The following FAF2 variants were observed in gnomAD, a reference collection of about 807,000 sequenced individuals.
The protein encoded by FAF2 is Fas associated factor family member 2, also known as FAS-associated factor 2.
FAF2 carries 9 observed loss-of-function variants against 62.3 expected under a neutral mutation model. That is an observed-to-expected ratio of 0.14 (90% CI 0.09 to 0.25). The LOEUF (loss-of-function observed/expected upper bound fraction) is 0.25. Ranked by LOEUF, FAF2 falls within the 10% of genes least tolerant of loss-of-function variation. The pLI, the probability that FAF2 is intolerant of heterozygous loss-of-function variation, is 1.00. For synonymous variants in FAF2, 202 were observed against 198.0 expected, an observed-to-expected ratio of 1.02 and a Z score of -0.17; for missense variants, 368 against 556.2, an observed-to-expected ratio of 0.66 and a Z score of 3.40.
chr5:176,450,615 G>T (rs924142302), intron 1 of FAF2, among the ~76,000 whole-genome samples: 1 of 150,924 alleles, frequency 6.6e-6, no homozygotes, highest in African/African-American at 2.4e-5. Context: ...GTGCAGTGGC[G>T]CGATCTCGGC....
Position 176,494,118 on chromosome 5 carries a change from G to A in FAF2, c.569+34G>A, listed in dbSNP as rs1759021460. 1 of 1,610,882 alleles carries A rather than the reference G, an allele frequency of 6.2e-7. No homozygotes were observed. Among genetic ancestry groups the A allele is most frequent in the African/African-American group, 1.3e-5 (1 of 74,944 alleles). On this transcript the variant is annotated intron_variant, in intron 6 of 10. Coordinates refer to ENST00000261942, the MANE Select transcript of FAF2 (RefSeq NM_014613.3). This position sits in a 1 kb window ranked among gnomAD's most constrained non-coding sequence, Gnocchi z 4.0. ...ATTGATTATTTTCCTTCTCTTTTCT[G>A]ACTCTTTCTGGTGACAGTTTATAGT... is the stretch of plus-strand genomic sequence containing the variant.
intron 1 of FAF2, among the ~76,000 whole-genome samples, chr5:176,448,793 C>T (rs2113710064): frequency 6.6e-6 from 1 of 152,270 alleles, no homozygotes; most frequent in South Asian, 2.1e-4. Context: ...CTCCGCCCAA[C>T]GAGTCTATAT....
In FAF2 at chr5:176,494,190, A is replaced by G; in HGVS notation, c.576A>G (p.Thr192=). 1 of 1,613,950 alleles carries G rather than the reference A, an allele frequency of 6.2e-7. No individual in the cohort carries two copies. Among genetic ancestry groups the G allele is most frequent in the Middle Eastern group, 1.7e-4 (1 of 6,060 alleles). Residue 192 remains threonine, a synonymous_variant, in exon 7 of 11, where the codon ACA becomes ACG. Coordinates refer to ENST00000261942, the MANE Select transcript of FAF2 (RefSeq NM_014613.3). The surrounding 1 kb of genome is among the most constrained non-coding windows in gnomAD (Gnocchi z 4.0). ...HQDSDEFCRN[T]LCAPEVISLI... Reference sequence around the variant, plus strand: ...TTTTCATACCTTTCCACAGCAACACACTCTGTGCACCTGAAGTTATTTCAC... The same window carrying G: ...TTTTCATACCTTTCCACAGCAACACGCTCTGTGCACCTGAAGTTATTTCAC...
intron 1 of FAF2, among the ~76,000 whole-genome samples, chr5:176,452,064 CTGTT>C (rs1041694781): frequency 4.4e-4 from 66 of 149,118 alleles, no homozygotes; most frequent in Middle Eastern, 3.4e-3. Flanking sequence ...TAATTTTTGT[CTGTT>C]TGTTTTTGAG....
intron 1 of FAF2, among the ~76,000 whole-genome samples, chr5:176,460,270 TGA>T (rs1758355124): frequency 6.6e-6 from 1 of 152,198 alleles, no homozygotes; most frequent in Non-Finnish European, 1.5e-5. Flanking sequence ...TTGGGTCAAT[TGA>T]TAGTTCTGGT....
chr5:176,463,004 C>T (rs996129177), intron 1 of FAF2, among the ~76,000 whole-genome samples: 2 of 152,126 alleles, frequency 1.3e-5, no homozygotes, highest in Non-Finnish European at 2.9e-5. Flanking sequence ...GGTAAAGTCA[C>T]ATTTAGGAAA....
At chr5:176,492,356 T>C in intron 5 of FAF2, 24 bp downstream of exon 5, 1 of 1,598,394 alleles carries the variant, frequency 6.3e-7, no homozygotes, top group Non-Finnish European at 8.5e-7. Flanking sequence ...ACCATATAGA[T>C]GCCAACTTAC....
chr5:176,496,726 T>G, intron 8 of FAF2, 63 bp downstream of exon 8: 1 of 1,312,662 alleles, frequency 7.6e-7, no homozygotes, highest in Non-Finnish European at 1.0e-6. Flanking sequence ...GGCTGACCTC[T>G]GGGGCTCTAC....
chr5:176,453,052 A>T (rs1180940868), intron 1 of FAF2: 1 of 152,140 alleles, frequency 6.6e-6, no homozygotes, highest in Admixed American at 6.6e-5. Context: ...TCCCCAAGGC[A>T]TTTTATTTCA....
chr5:176,454,755 T>C (rs1414017053), intron 1 of FAF2, among the ~76,000 whole-genome samples: 1 of 152,232 alleles, frequency 6.6e-6, no homozygotes, highest in Non-Finnish European at 1.5e-5. Flanking sequence ...CAGCTTAATG[T>C]GGAAGCTCTC....
rs970527746 is a variant in FAF2 at position 176,509,096 on chromosome 5, C to A, written c.*2146C>A. On this transcript the variant is annotated 3_prime_UTR_variant, in exon 11 of 11. Transcript: ENST00000261942. ...AGAAGGGTCTCCCTTTATGTCAGTACAACTGTTAGGGCGGCCTTCCCATTT... is the reference window on the plus strand; with the variant it reads ...AGAAGGGTCTCCCTTTATGTCAGTAAAACTGTTAGGGCGGCCTTCCCATTT... The A allele has an allele frequency of 6.6e-6, 1 of 152,174 alleles. No individual in the cohort carries two copies. The highest frequency in any genetic ancestry group is 1.5e-5 in the Non-Finnish European group (1 of 68,042). The allele number at this position is 152,174 out of a possible 1,614,324, so 9.4% of individuals were successfully genotyped here. A position where few individuals can be genotyped will look rare whatever the true frequency, so the allele number is the denominator to read the frequency against.
chr5:176,467,129 C>CTTTTTTTTT (rs374702773), intron 1 of FAF2, among the ~76,000 whole-genome samples: 1 of 94,048 alleles, frequency 1.1e-5, no homozygotes, highest in African/African-American at 4.5e-5. Context: ...TTTTTTTTTC[C>CTTTTTTTTT]TTTTTTTTTT....
Position 176,492,212 on chromosome 5 carries a change from A to G in FAF2, c.363A>G (p.Ile121Met), listed in dbSNP as rs775185443. The G allele has an allele frequency of 3.7e-6, 6 of 1,614,072 alleles. No individual in the cohort carries two copies. The highest frequency in any genetic ancestry group is 4.2e-6 in the Non-Finnish European group (5 of 1,180,016). The change falls in exon 5 of 11, where the codon ATA becomes ATG. Residue 121 changes from isoleucine to methionine, a missense_variant. Around this residue, in one of 2 missense-constraint regions of FAF2, gnomAD observed 331 missense variants for 441.9 expected, o/e 0.75. Transcript: ENST00000261942. ...TCCCCAGGTTTGCTCTTCGTTTTAT[A>G]CGGCCTGACCCTCGCAGCCGGGTCA... ...LDIFRFALRFIRPDPRSRVTD... is the reference protein window; with the variant it reads ...LDIFRFALRFMRPDPRSRVTD...
At chr5:176,459,976 A>G (rs1159635894) in intron 1 of FAF2, among the ~76,000 whole-genome samples, 1 of 152,134 alleles carries the variant, frequency 6.6e-6, no homozygotes, top group East Asian at 1.9e-4. Context: ...ACAAGTAAGA[A>G]TGTGGTATTT....
intron 1 of FAF2, among the ~76,000 whole-genome samples, chr5:176,450,427 G>C (rs1758142106): frequency 6.6e-6 from 1 of 152,120 alleles, no homozygotes; most frequent in Admixed American, 6.6e-5. Flanking sequence ...TGGTTTAAGT[G>C]CAATGAAGTA....
intron 1 of FAF2, among the ~76,000 whole-genome samples, chr5:176,468,622 A>G (rs1225177555): frequency 6.6e-6 from 1 of 151,940 alleles, no homozygotes; most frequent in Non-Finnish European, 1.5e-5. Flanking sequence ...CCTCCTCAAA[A>G]GAAAGTTCCT....
intron 8 of FAF2, among the ~76,000 whole-genome samples, chr5:176,497,249 T>TA (rs151016039): frequency 0.039 from 5,839 of 148,022 alleles, 349 homozygotes; most frequent in African/African-American, 0.13. Context: ...AACTTCGATG[T>TA]AAAAAAAAAA....
At chr5:176,497,885 C>T (rs929356929) in intron 8 of FAF2, among the ~76,000 whole-genome samples, 2 of 152,184 alleles carry the variant, frequency 1.3e-5, no homozygotes, top group Non-Finnish European at 1.5e-5. Flanking sequence ...CATGTTGGCT[C>T]ATACCTGTAA....
At chr5:176,504,115 A>C (rs955914691) in intron 10 of FAF2, among the ~76,000 whole-genome samples, 3 of 151,978 alleles carry the variant, frequency 2.0e-5, no homozygotes, top group African/African-American at 7.2e-5. Flanking sequence ...TCAAAAAAAA[A>C]GAAAAACAAA....
Sources: allele counts gnomAD v4.1 joint callset (sites outside exome capture counted in the v4.1 genomes callset), GRCh38; gene constraint gnomAD v4.1.1; regional missense constraint gnomAD v4.1.1; non-coding constraint Gnocchi (gnomAD v3.1); transcripts MANE v1.5; gene names NCBI Gene and HGNC (gene_info 2026-07-23, HGNC 2026-07-21).